Variants in RAPGEF4 observed in about 807,000 individuals in gnomAD.
RAPGEF4 encodes the protein RAP guanine-nucleotide-exchange factor (GEF) 4.
RAPGEF4 carries 66 observed loss-of-function variants against 147.9 expected under a neutral mutation model. That is an observed-to-expected ratio of 0.45 (90% CI 0.37 to 0.55). RAPGEF4 has a LOEUF of 0.55. Among genes scored for constraint, RAPGEF4 ranks in the 20% least tolerant of loss-of-function variants. The pLI is 0.00. For missense variants in RAPGEF4, 1,071 were observed against 1,257.3 expected, an observed-to-expected ratio of 0.85 and a Z score of 2.24; for synonymous variants, 419 against 442.7, an observed-to-expected ratio of 0.95 and a Z score of 0.67.
chr2:172,915,706 A>AAAC (rs1228594425), intron 4 of RAPGEF4, among the ~76,000 whole-genome samples: 2 of 151,776 alleles, frequency 1.3e-5, no homozygotes, highest in African/African-American at 4.8e-5. Flanking sequence ...CCTGTCTCAA[A>AAAC]AAAAAAAAAA....
chr2:172,910,972 C>T lies in RAPGEF4; in HGVS notation c.445-6830C>T, dbSNP rs116756155. 9.6e-4 allele frequency among the ~76,000 whole-genome samples: 146 copies of T among 152,266 alleles called. 1 individual carries two copies. The highest frequency in any genetic ancestry group is 3.3e-3 in the African/African-American group (137 of 41,544). On this transcript the variant is annotated intron_variant, in intron 4 of 30. Coordinates refer to ENST00000397081, the MANE Select transcript of RAPGEF4 (RefSeq NM_007023.4). ...AAGAGAGCATCACCTTTCAGGAAAG[C>T]GTATGGGGTGAGAGATAGTGTTATA...
At chr2:172,938,582 T>C (rs984799930) in intron 6 of RAPGEF4, among the ~76,000 whole-genome samples, 4 of 152,254 alleles carry the variant, frequency 2.6e-5, no homozygotes, top group Non-Finnish European at 2.9e-5. Flanking sequence ...GCCTCTGCTC[T>C]GCCACTCCCT....
intron 2 of RAPGEF4, 112 bp from the exon 3 acceptor site, chr2:172,797,413 G>C: frequency 2.7e-6 from 2 of 734,174 alleles, no homozygotes; most frequent in Non-Finnish European, 2.3e-6. Flanking sequence ...TAGGGGAAGG[G>C]TGGTAAGCTC....
chr2:172,739,648 G>A (rs1694133096), intron 1 of RAPGEF4, among the ~76,000 whole-genome samples: 1 of 152,160 alleles, frequency 6.6e-6, no homozygotes, highest in African/African-American at 2.4e-5. Context: ...TGGGAATACA[G>A]GTGTGAGCCA....
chr2:173,020,904 G>A (rs1428177813), intron 23 of RAPGEF4, among the ~76,000 whole-genome samples, 189 bp downstream of exon 23: 1 of 152,086 alleles, frequency 6.6e-6, no homozygotes, highest in African/African-American at 2.4e-5. Context: ...ATTTTCTTTT[G>A]TGAAAATTAG....
chr2:172,925,587 TACACACACACAC>T (rs10534191), intron 6 of RAPGEF4, among the ~76,000 whole-genome samples: 5 of 147,094 alleles, frequency 3.4e-5, no homozygotes, highest in Admixed American at 2.7e-4. Flanking sequence ...ACTCTGTCTG[TACACACACACAC>T]ACACACACAC....
At chr2:172,818,071 G>C (rs977769878) in intron 4 of RAPGEF4, among the ~76,000 whole-genome samples, 4 of 151,438 alleles carry the variant, frequency 2.6e-5, no homozygotes, top group African/African-American at 9.7e-5. Flanking sequence ...TATCCTAAGT[G>C]AAGTAACTCA....
At chr2:172,965,941 T>C (rs1337414721) in intron 9 of RAPGEF4, among the ~76,000 whole-genome samples, 3 of 152,200 alleles carry the variant, frequency 2.0e-5, no homozygotes, top group Admixed American at 1.3e-4. Flanking sequence ...TCAGTTCCAA[T>C]TATGTTTATT....
intron 19 of RAPGEF4, 44 bp from the exon 20 acceptor site, chr2:173,017,130 A>G (rs1327081315): frequency 6.3e-7 from 1 of 1,576,440 alleles, no homozygotes; most frequent in Admixed American, 1.7e-5. Flanking sequence ...GCAATTTAAT[A>G]GTAGCAATGG....
At chr2:172,757,868 A>T (rs1257248888) in intron 1 of RAPGEF4, among the ~76,000 whole-genome samples, 1 of 152,238 alleles carries the variant, frequency 6.6e-6, no homozygotes, top group Non-Finnish European at 1.5e-5. Flanking sequence ...CCAAAGAAAC[A>T]CCTTCTAGGT....
At position 172,995,341 on chromosome 2, in the gene RAPGEF4, G is replaced by A. The variant is rs1246213667; in HGVS notation, c.1491-1125G>A. Among the ~76,000 whole-genome samples the A allele has an allele frequency of 4.0e-5, 6 of 151,098 alleles. No homozygotes were observed. In the South Asian group the frequency reaches 8.4e-4, roughly 21 times the overall value. On this transcript the variant is annotated intron_variant, in intron 15 of 30. Coordinates refer to ENST00000397081, the MANE Select transcript of RAPGEF4 (RefSeq NM_007023.4). Reference sequence around the variant, plus strand: ...GTCACCCAGGCAGGAGTGCAGTGGTGTGATCTCCGCTCACTGCAGCCTCCG... The same window carrying A: ...GTCACCCAGGCAGGAGTGCAGTGGTATGATCTCCGCTCACTGCAGCCTCCG...
chr2:172,873,661 CCAAAAGCAATGGCAA>C (rs1329756908), intron 4 of RAPGEF4, among the ~76,000 whole-genome samples: 3 of 152,128 alleles, frequency 2.0e-5, no homozygotes, highest in Non-Finnish European at 4.4e-5. Flanking sequence ...GACTAAAACA[CCAAAAGCAATGGCAA>C]CAAAAGCCAA....
At chr2:172,900,918 C>A (rs763171208) in intron 4 of RAPGEF4, among the ~76,000 whole-genome samples, 10 of 151,992 alleles carry the variant, frequency 6.6e-5, no homozygotes, top group Non-Finnish European at 1.2e-4. Context: ...AATTAAGGTT[C>A]TTTTTTTCTT....
At chr2:172,997,835 T>G (rs1334640023) in intron 16 of RAPGEF4, among the ~76,000 whole-genome samples, 2 of 152,360 alleles carry the variant, frequency 1.3e-5, no homozygotes, top group African/African-American at 4.8e-5. Context: ...GATATCATTA[T>G]TATTATTATA....
Position 172,902,621 on chromosome 2 carries a change from C to G in RAPGEF4, c.445-15181C>G, listed in dbSNP as rs560226304. Among the ~76,000 whole-genome samples, 3 of 152,312 alleles carry G rather than the reference C, an allele frequency of 2.0e-5. No individual in the cohort carries two copies. The South Asian group carries it at 6.2e-4, about 32-fold the overall frequency. On this transcript the variant is annotated intron_variant, in intron 4 of 30. Transcript: ENST00000397081. ...ACATGTGGCACCCTAATATTCTCTT[C>G]CACACTATTTTGCAGAATAGCTAAA... is the stretch of plus-strand genomic sequence containing the variant.
chr2:172,737,942 A>G (rs984168927), intron 1 of RAPGEF4, among the ~76,000 whole-genome samples: 2 of 152,226 alleles, frequency 1.3e-5, no homozygotes, highest in Admixed American at 6.5e-5. Context: ...AGTGCCATGT[A>G]GGCTTTTTGT....
intron 4 of RAPGEF4, chr2:172,859,897 C>G (rs1439357864): frequency 7.5e-6 from 3 of 400,816 alleles, no homozygotes; most frequent in Non-Finnish European, 1.0e-5. Flanking sequence ...ACTCTGACTT[C>G]CTGTCTCAAT....
chr2:172,861,853 C>G (rs1694084380), intron 4 of RAPGEF4, among the ~76,000 whole-genome samples: 1 of 152,212 alleles, frequency 6.6e-6, no homozygotes, highest in South Asian at 2.1e-4. Flanking sequence ...GCTGGGCCAG[C>G]AGCTGCACCC....
intron 20 of RAPGEF4, 41 bp downstream of exon 20, chr2:173,017,245 G>T: frequency 6.3e-7 from 1 of 1,589,102 alleles, no homozygotes; most frequent in South Asian, 1.1e-5. Flanking sequence ...GTGTCCTGTA[G>T]AATTACAATT....
Sources: gnomAD v4.1 joint callset for allele counts (sites outside exome capture counted in the v4.1 genomes callset) on GRCh38, gnomAD v4.1.1 for gene constraint, MANE v1.5 for transcripts, NCBI Gene and HGNC (gene_info 2026-07-23, HGNC 2026-07-21) for gene names.